The following MED27 variants were observed in gnomAD, a reference collection of about 807,000 sequenced individuals.
MED27 encodes mediator of RNA polymerase II transcription subunit 27.
MED27 carries 30 observed loss-of-function variants against 38.2 expected under a neutral mutation model. The ratio of observed to expected loss-of-function variants is 0.79; its 90% CI spans 0.59 to 1.07. The LOEUF (loss-of-function observed/expected upper bound fraction) is 1.07, where lower values mean the gene tolerates loss of function less well. Among genes scored for constraint, MED27 ranks in the 50% least tolerant of loss-of-function variants. The pLI, the probability that MED27 is intolerant of heterozygous loss-of-function variation, is 0.00. For synonymous variants in MED27, 122 were observed against 153.5 expected (o/e 0.79, Z 1.52); for missense variants, 289 against 397.5 (o/e 0.73, Z 2.32).
At chr9:132,011,039 T>A (rs1394670073) in intron 3 of MED27, among the ~76,000 whole-genome samples, 3 of 152,148 alleles carry the variant, frequency 2.0e-5, no homozygotes, top group South Asian at 2.1e-4. Flanking sequence ...AATAAAAAAA[T>A]TTTGTAATAA....
chr9:132,067,750 C>G (rs753830495), intron 2 of MED27, among the ~76,000 whole-genome samples: 1 of 152,124 alleles, frequency 6.6e-6, no homozygotes, highest in Non-Finnish European at 1.5e-5. Flanking sequence ...CTTGCTCTGT[C>G]GCCCAGGCTG....
At chr9:132,027,182 T>C (rs1299617529) in intron 2 of MED27, among the ~76,000 whole-genome samples, 5 of 152,210 alleles carry the variant, frequency 3.3e-5, no homozygotes, top group African/African-American at 1.2e-4. Flanking sequence ...CGACTGCTCT[T>C]ATTATCCAGT....
chr9:131,967,186 C>T (rs1204277948), intron 3 of MED27, among the ~76,000 whole-genome samples: 1 of 152,148 alleles, frequency 6.6e-6, no homozygotes, highest in Non-Finnish European at 1.5e-5. Context: ...AATAAATATG[C>T]CATAAGTTTA....
chr9:132,022,617 T>C (rs1832740417), intron 2 of MED27, among the ~76,000 whole-genome samples: 1 of 152,154 alleles, frequency 6.6e-6, no homozygotes, highest in African/African-American at 2.4e-5. Flanking sequence ...AAGTCTCCAA[T>C]TAAGGCAGCT....
At chr9:131,907,572 C>G (rs1410092528) in intron 4 of MED27, among the ~76,000 whole-genome samples, 1 of 152,182 alleles carries the variant, frequency 6.6e-6, no homozygotes, top group African/African-American at 2.4e-5. Flanking sequence ...TGGCTACAAC[C>G]TCCACCTCCC....
At chr9:131,953,159 T>C (rs936646049) in intron 3 of MED27, among the ~76,000 whole-genome samples, 1 of 152,252 alleles carries the variant, frequency 6.6e-6, no homozygotes, top group Non-Finnish European at 1.5e-5. Flanking sequence ...TGGATGCGGC[T>C]AGTTTAGAAA....
At chr9:131,937,521 C>G (rs1044175229) in intron 4 of MED27, among the ~76,000 whole-genome samples, 1 of 152,148 alleles carries the variant, frequency 6.6e-6, no homozygotes, top group African/African-American at 2.4e-5. Context: ...CAGGCGAGGT[C>G]GACCATCACT....
At chr9:131,938,660 C>T (rs1830725267) in intron 4 of MED27, among the ~76,000 whole-genome samples, 1 of 152,064 alleles carries the variant, frequency 6.6e-6, no homozygotes, top group Admixed American at 6.5e-5. Context: ...TCTCAGAACA[C>T]TTTCTTCAAA....
chr9:131,986,214 A>G (rs933967017), intron 3 of MED27, among the ~76,000 whole-genome samples: 3 of 152,242 alleles, frequency 2.0e-5, no homozygotes, highest in Non-Finnish European at 4.4e-5. Flanking sequence ...TAAAGTCTAC[A>G]GCAGTGTATA....
At chr9:131,945,592 C>T (rs866019282) in intron 3 of MED27, among the ~76,000 whole-genome samples, 2 of 152,186 alleles carry the variant, frequency 1.3e-5, no homozygotes, top group South Asian at 4.1e-4. Context: ...CTCTCCCCAA[C>T]CCCCATGCCA....
At chr9:132,077,330 C>T in intron 2 of MED27, 112 bp downstream of exon 2, 1 of 1,098,200 alleles carries the variant, frequency 9.1e-7, no homozygotes, top group Non-Finnish European at 1.3e-6. Flanking sequence ...TAACCCCATG[C>T]TGAATCAAGA....
chr9:132,027,804 G>A (rs1417301042), intron 2 of MED27, among the ~76,000 whole-genome samples: 4 of 152,214 alleles, frequency 2.6e-5, no homozygotes, highest in African/African-American at 9.7e-5. Context: ...AATGGTATAT[G>A]AGCCATGCTA....
At chr9:131,902,875 A>C (rs1286163656) in intron 4 of MED27, among the ~76,000 whole-genome samples, 1 of 152,200 alleles carries the variant, frequency 6.6e-6, no homozygotes, top group Non-Finnish European at 1.5e-5. Flanking sequence ...GCAAGATGGG[A>C]GCTACAGTTC....
At chr9:131,924,934 A>G (rs115074327) in intron 4 of MED27, among the ~76,000 whole-genome samples, 2,012 of 152,252 alleles carry the variant, frequency 0.013, 41 homozygotes, top group African/African-American at 0.045. Flanking sequence ...TATGTGTGTA[A>G]TATTTTCAGT....
At chr9:132,048,680 C>T (rs1459590768) in intron 2 of MED27, among the ~76,000 whole-genome samples, 2 of 152,200 alleles carry the variant, frequency 1.3e-5, no homozygotes, top group African/African-American at 2.4e-5. Flanking sequence ...CCTGTCAGCT[C>T]GGTTCATCAA....
intron 2 of MED27, among the ~76,000 whole-genome samples, chr9:132,041,362 A>G (rs1025142062): frequency 6.6e-6 from 1 of 152,222 alleles, no homozygotes; most frequent in African/African-American, 2.4e-5. Context: ...ATCCACTCTC[A>G]CACCATCAGC....
At chr9:132,014,209 T>G in intron 3 of MED27, 128 bp downstream of exon 3, 2 of 1,060,170 alleles carry the variant, frequency 1.9e-6, no homozygotes, top group Non-Finnish European at 2.7e-6. Context: ...AAAGTAAGAC[T>G]CCGTCTCAAA....
rs1023786104 is a variant in MED27 at position 131,986,484 on chromosome 9, A to AT, written c.479+27852dup. Among the ~76,000 whole-genome samples, 465 of 151,250 alleles carry AT rather than the reference A, an allele frequency of 3.1e-3. 1 individual carries two copies. The highest frequency in any genetic ancestry group is 0.017 in the Middle Eastern group (5 of 294). On this transcript the variant is annotated intron_variant, in intron 3 of 7. Transcript: ENST00000292035. The stretch of plus-strand genomic sequence containing the variant: ...GGCATGAGCCACTGCACACAGCTCC[A>AT]TTTTTTTTTACCTTTCATACAGTAT...
chr9:132,073,635 T>G (rs1031782049), intron 2 of MED27: 10 of 1,453,252 alleles, frequency 6.9e-6, no homozygotes, highest in Non-Finnish European at 9.0e-6. Context: ...TGCAGTAACT[T>G]AGTCATTAAG....
Sources: gnomAD v4.1 joint callset for allele counts (sites outside exome capture counted in the v4.1 genomes callset) on GRCh38, gnomAD v4.1.1 for gene constraint, MANE v1.5 for transcripts, NCBI Gene and HGNC (gene_info 2026-07-23, HGNC 2026-07-21) for gene names.